Variants in SLC37A3 observed in about 807,000 individuals in gnomAD.
SLC37A3 encodes sugar phosphate exchanger 3.
SLC37A3 carries 51 observed loss-of-function variants against 67.1 expected under a neutral mutation model. That is an observed-to-expected ratio of 0.76 (90% confidence interval 0.61 to 0.96). SLC37A3 has a LOEUF of 0.96. SLC37A3 is among the 40% of genes least tolerant of loss of function. SLC37A3 has a pLI of 0.00. For synonymous variants in SLC37A3, 214 were observed against 231.4 expected (o/e 0.92, Z 0.68); for missense variants, 508 against 603.0 (o/e 0.84, Z 1.65).
At position 140,375,164 on chromosome 7, in the gene SLC37A3, C is replaced by CAA. The variant is rs1262636539; in HGVS notation, c.198+5116_198+5117dup. Among the ~76,000 whole-genome samples the CAA allele has an allele frequency of 9.1e-5, 8 of 87,880 alleles. No individual in the cohort carries two copies. The South Asian group carries it at 2.5e-3, about 28-fold the overall frequency. The allele number at this position is 87,880 out of a possible 152,430, so 57.7% of individuals were successfully genotyped here. A position where few individuals can be genotyped will look rare whatever the true frequency, so the allele number is the denominator to read the frequency against. On this transcript the variant is annotated intron_variant, in intron 3 of 14. Coordinates refer to ENST00000326232, the MANE Select transcript of SLC37A3 (RefSeq NM_207113.3). ...GCAAGATTCCGCCTCAAAAAAAAAA[C>CAA]AAAAAACAACAAAAAAAAAACAGGC...
At chr7:140,340,185 C>G (rs1425454980) in intron 13 of SLC37A3, among the ~76,000 whole-genome samples, 2 of 151,292 alleles carry the variant, frequency 1.3e-5, no homozygotes, top group Admixed American at 6.6e-5. Context: ...GAAGATTTGT[C>G]CCTGTTTTCT....
At chr7:140,387,722 ATT>A (rs1491410629) in intron 1 of SLC37A3, among the ~76,000 whole-genome samples, 8 of 71,800 alleles carry the variant, frequency 1.1e-4, no homozygotes, top group South Asian at 3.6e-4. Context: ...TACTATATAT[ATT>A]ATATAAATAT....
chr7:140,348,063 T>C (rs1475226090), intron 10 of SLC37A3, among the ~76,000 whole-genome samples: 1 of 152,232 alleles, frequency 6.6e-6, no homozygotes, highest in African/African-American at 2.4e-5. Flanking sequence ...AATAACAATA[T>C]ACTGTAACAT....
Position 140,335,133 on chromosome 7 carries a change from A to T in SLC37A3, c.*279T>A, listed in dbSNP as rs1007203444. The T allele has an allele frequency of 7.3e-6, 9 of 1,231,866 alleles. No homozygotes were observed. In the African/African-American group the frequency reaches 1.2e-4, roughly 17 times the overall value. The allele number at this position is 1,231,866 out of a possible 1,614,324, so 76.3% of individuals were successfully genotyped here. On this transcript the variant is annotated 3_prime_UTR_variant, in exon 15 of 15. Coordinates refer to ENST00000326232, the MANE Select transcript of SLC37A3 (RefSeq NM_207113.3). ...CTAAACCTCAATAGGCCAAACAAAGACGCGGGCAGAGTCAGAGGTCAAAGA... is the reference window on the plus strand; with the variant it reads ...CTAAACCTCAATAGGCCAAACAAAGTCGCGGGCAGAGTCAGAGGTCAAAGA...
chr7:140,350,505 C>T (rs988155370), intron 9 of SLC37A3, among the ~76,000 whole-genome samples: 7 of 152,186 alleles, frequency 4.6e-5, no homozygotes, highest in African/African-American at 1.4e-4. Context: ...TGGCTCACGC[C>T]TGTAATCCCA....
At chr7:140,375,147 C>T (rs188117581) in intron 3 of SLC37A3, among the ~76,000 whole-genome samples, 2,345 of 145,436 alleles carry the variant, frequency 0.016, 29 homozygotes, top group Middle Eastern at 0.031. Flanking sequence ...GAGCAAGATT[C>T]CGCCTCAAAA....
At chr7:140,385,101 T>A (rs1798400426) in intron 1 of SLC37A3, among the ~76,000 whole-genome samples, 1 of 152,198 alleles carries the variant, frequency 6.6e-6, no homozygotes, top group African/African-American at 2.4e-5. Flanking sequence ...TCATAAGTGG[T>A]CATCCATAAA....
Position 140,335,435 on chromosome 7 carries a change from G to A in SLC37A3, c.1462C>T (p.Gln488Ter). 6.2e-7 allele frequency: 1 copy of A among 1,614,192 alleles called. No homozygotes were observed. Among genetic ancestry groups the A allele is most frequent in the African/African-American group, 1.3e-5 (1 of 75,052 alleles). The stretch of plus-strand genomic sequence containing the variant: ...GGTCACTCCCTCAATATGTGAGCCT[G>A]TCTCCTTAGCACGAGAGAGAATATT... Reference protein sequence around the residue: ...REIFSLVLRRQAHILRE With the variant: ...REIFSLVLRR The change falls in exon 15 of 15, where the codon CAG becomes TAG. Residue 488 changes from glutamine (Q) to a stop codon, truncating the protein, a stop_gained. Transcript: ENST00000326232. LOFTEE classifies it high-confidence loss of function.
intron 5 of SLC37A3, among the ~76,000 whole-genome samples, chr7:140,362,443 C>T (rs1187279828): frequency 9.4e-5 from 12 of 128,126 alleles, no homozygotes; most frequent in East Asian, 2.5e-4. Context: ...GCCCCCCGCC[C>T]GGCCAGCCGC....
At chr7:140,360,867 C>T (rs1439797224) in intron 5 of SLC37A3, among the ~76,000 whole-genome samples, 1 of 152,052 alleles carries the variant, frequency 6.6e-6, no homozygotes, top group Non-Finnish European at 1.5e-5. Flanking sequence ...CCCTCTGAAG[C>T]TCACAGAAAT....
intron 3 of SLC37A3, among the ~76,000 whole-genome samples, chr7:140,373,185 G>A (rs1054558466): frequency 6.6e-6 from 1 of 151,962 alleles, no homozygotes; most frequent in Non-Finnish European, 1.5e-5. Flanking sequence ...TCCTGACCTC[G>A]TGATCTGCCC....
chr7:140,342,851 T>C (rs553614043), intron 13 of SLC37A3, among the ~76,000 whole-genome samples: 1 of 152,264 alleles, frequency 6.6e-6, no homozygotes, highest in South Asian at 2.1e-4. Flanking sequence ...CTTTAATGAG[T>C]GTCCCAGATG....
chr7:140,355,594 T>C, intron 7 of SLC37A3, 74 bp downstream of exon 7: 1 of 1,280,332 alleles, frequency 7.8e-7, no homozygotes. Context: ...CAGTATTATT[T>C]AATACATAAA....
At chr7:140,392,076 A>AC (rs1798745376) in intron 1 of SLC37A3, among the ~76,000 whole-genome samples, 1 of 152,004 alleles carries the variant, frequency 6.6e-6, no homozygotes, top group African/African-American at 2.4e-5. Context: ...GGTGGCCTGT[A>AC]TGGGGAACTC....
At chr7:140,369,537 C>A in intron 4 of SLC37A3, 53 bp downstream of exon 4, 2 of 1,479,580 alleles carry the variant, frequency 1.4e-6, no homozygotes, top group South Asian at 1.2e-5. Context: ...GGCTCAGGGT[C>A]ATTTATATTT....
intron 3 of SLC37A3, among the ~76,000 whole-genome samples, chr7:140,371,717 G>A (rs1005604621): frequency 6.6e-6 from 1 of 152,060 alleles, no homozygotes; most frequent in Non-Finnish European, 1.5e-5. Flanking sequence ...TATGAAACCA[G>A]GCCATGAGAG....
intron 1 of SLC37A3, among the ~76,000 whole-genome samples, chr7:140,387,379 C>G (rs966908977): frequency 2.1e-4 from 32 of 151,422 alleles, no homozygotes; most frequent in Admixed American, 2.0e-4. Flanking sequence ...TTTGGGAGGC[C>G]AAGGCAGGTG....
At chr7:140,345,381 C>G in intron 11 of SLC37A3, 118 bp from the exon 12 acceptor site, 1 of 715,456 alleles carries the variant, frequency 1.4e-6, no homozygotes, top group East Asian at 2.7e-5. Flanking sequence ...CCAGAGACAA[C>G]AAAGAGACAC....
chr7:140,374,589 A>AGGCAGGACGATCCCTTGAG (rs1431683448), intron 3 of SLC37A3, among the ~76,000 whole-genome samples: 1 of 152,070 alleles, frequency 6.6e-6, no homozygotes, highest in Non-Finnish European at 1.5e-5. Context: ...TGGGAGGCCC[A>AGGCAGGACGATCCCTTGAG]GGCAGGACGA....
Sources: gnomAD v4.1 joint callset for allele counts (sites outside exome capture counted in the v4.1 genomes callset) on GRCh38, gnomAD v4.1.1 for gene constraint, MANE v1.5 for transcripts, NCBI Gene and HGNC (gene_info 2026-07-23, HGNC 2026-07-21) for gene names.